Variants in WWOX observed in about 807,000 individuals in gnomAD.
WWOX encodes WW domain-containing oxidoreductase.
A neutral mutation model predicts 46.2 loss-of-function variants in WWOX; 69 were observed. The ratio of observed to expected loss-of-function variants is 1.49; its 90% confidence interval spans 1.23 to 1.82. The LOEUF (loss-of-function observed/expected upper bound fraction) is 1.82, where lower values mean the gene tolerates loss of function less well. Among genes scored for constraint, WWOX ranks in the 40% most tolerant of loss-of-function variants. The pLI is 0.00. For synonymous variants in WWOX, 359 were observed against 202.6 expected, an observed-to-expected ratio of 1.77 and a Z score of -6.56; for missense variants, 919 against 542.6, an observed-to-expected ratio of 1.69 and a Z score of -6.89.
intron 8 of WWOX, among the ~76,000 whole-genome samples, chr16:79,039,100 T>TA (rs1160651642): frequency 1.3e-5 from 2 of 151,964 alleles, no homozygotes; most frequent in African/African-American, 4.8e-5. Context: ...TTTCCTGCAT[T>TA]AAAAAAAATT....
At chr16:78,879,094 A>G (rs1281156622) in intron 8 of WWOX, among the ~76,000 whole-genome samples, 1 of 152,060 alleles carries the variant, frequency 6.6e-6, no homozygotes, top group African/African-American at 2.4e-5. Context: ...GGAATTTACT[A>G]GAAACAAATT....
intron 5 of WWOX, among the ~76,000 whole-genome samples, chr16:78,188,667 C>T (rs1314159392): frequency 6.6e-6 from 1 of 151,974 alleles, no homozygotes; most frequent in East Asian, 1.9e-4. Context: ...ACTTGATAGA[C>T]ACTAAACTCT....
intron 8 of WWOX, among the ~76,000 whole-genome samples, chr16:78,678,720 G>A (rs1125852): frequency 0.1 from 15,599 of 152,170 alleles, 983 homozygotes; most frequent in East Asian, 0.17. Flanking sequence ...AGATTTTGAC[G>A]GAGGGCTGGA....
chr16:78,713,618 T>G (rs111953202), intron 8 of WWOX, among the ~76,000 whole-genome samples: 55 of 152,098 alleles, frequency 3.6e-4, no homozygotes, highest in Non-Finnish European at 6.0e-4. Flanking sequence ...ACACCAGGAA[T>G]TCATATGCAT....
chr16:78,246,897 C>T lies in WWOX; in HGVS notation c.516+82608C>T, dbSNP rs186532813. 2.6e-5 allele frequency among the ~76,000 whole-genome samples: 4 copies of T among 152,046 alleles called. No individual in the cohort carries two copies. In the South Asian group the frequency reaches 6.3e-4, roughly 24 times the overall value. On this transcript the variant is annotated intron_variant, in intron 5 of 8. Transcript: ENST00000566780. ...CCGAGAGAGGAAATAAATCCTTGGACCCCAGAGTGATTTTCGGAGCCACAA... is the reference window on the plus strand; with the variant it reads ...CCGAGAGAGGAAATAAATCCTTGGATCCCAGAGTGATTTTCGGAGCCACAA...
chr16:78,617,650 C>G (rs1446534410), intron 8 of WWOX, among the ~76,000 whole-genome samples: 1 of 152,128 alleles, frequency 6.6e-6, no homozygotes, highest in Non-Finnish European at 1.5e-5. Context: ...AGTCCCCCTG[C>G]TCCTCAAGCT....
chr16:78,978,564 T>A (rs1484814275), intron 8 of WWOX, among the ~76,000 whole-genome samples: 2 of 152,102 alleles, frequency 1.3e-5, no homozygotes, highest in Non-Finnish European at 2.9e-5. Context: ...AAAAGAGGTT[T>A]AATTGGCTCA....
At chr16:78,874,691 T>TC (rs201278260) in intron 8 of WWOX, among the ~76,000 whole-genome samples, 11 of 143,252 alleles carry the variant, frequency 7.7e-5, no homozygotes, top group African/African-American at 2.9e-4. Context: ...TTTCTTTTTT[T>TC]TTTTTTTTTT....
intron 8 of WWOX, among the ~76,000 whole-genome samples, chr16:79,198,146 G>A (rs1460592396): frequency 2.7e-5 from 4 of 150,696 alleles, no homozygotes; most frequent in Non-Finnish European, 4.4e-5. Context: ...CCAACATGGT[G>A]AAACCCCGTC....
rs539295329 is a variant in WWOX, at chr16:78,728,223, C to T, written c.1056+295471C>T. Among the ~76,000 whole-genome samples the T allele has an allele frequency of 7.2e-5, 11 of 151,738 alleles. No homozygotes were observed. In the South Asian group the frequency reaches 1.9e-3, roughly 26 times the overall value. ...GTGACTACGGACACATGCCACTACA[C>T]CTAGTTGATTTTTGTATTTTTTGTA... On this transcript the variant is annotated intron_variant, in intron 8 of 8. Transcript: ENST00000566780.
chr16:78,882,829 A>T (rs1459782077), intron 8 of WWOX, among the ~76,000 whole-genome samples: 1 of 146,064 alleles, frequency 6.8e-6, no homozygotes, highest in Non-Finnish European at 1.5e-5. Context: ...CCACCATTTA[A>T]AAAAAAAAAA....
chr16:78,615,250 A>C (rs2045994675), intron 8 of WWOX, among the ~76,000 whole-genome samples: 1 of 152,140 alleles, frequency 6.6e-6, no homozygotes, highest in Non-Finnish European at 1.5e-5. Flanking sequence ...CGCTAATGGG[A>C]GATCCTAAGT....
Position 78,699,702 on chromosome 16 carries a change from G to C in WWOX, c.1056+266950G>C, listed in dbSNP as rs573137634. ...CCTCTTCTGCCCGCTGATATCTACA[G>C]CCTCTACCAGATGGTACCTCACTTA... On this transcript the variant is annotated intron_variant, in intron 8 of 8. Coordinates refer to ENST00000566780, the MANE Select transcript of WWOX (RefSeq NM_016373.4). Among the ~76,000 whole-genome samples, 16 of 152,310 alleles carry C rather than the reference G, an allele frequency of 1.1e-4. No individual in the cohort carries two copies. The South Asian group carries it at 2.7e-3, about 26-fold the overall frequency.
At chr16:78,403,138 T>C (rs944674377) in intron 6 of WWOX, among the ~76,000 whole-genome samples, 6 of 152,232 alleles carry the variant, frequency 3.9e-5, no homozygotes, top group African/African-American at 1.4e-4. Context: ...ATGTACAAAA[T>C]GCATGAGATG....
intron 8 of WWOX, among the ~76,000 whole-genome samples, chr16:78,533,392 T>C (rs546192155): frequency 2.7e-5 from 4 of 145,834 alleles, no homozygotes; most frequent in African/African-American, 1.0e-4. Context: ...CTGCACATAA[T>C]ATACAATTGT....
intron 6 of WWOX, among the ~76,000 whole-genome samples, chr16:78,416,945 C>T (rs1007660614): frequency 9.9e-5 from 15 of 151,908 alleles, no homozygotes; most frequent in African/African-American, 3.6e-4. Context: ...GGCTGAGCTA[C>T]AGTTTCTCTA....
intron 6 of WWOX, among the ~76,000 whole-genome samples, chr16:78,403,919 C>G (rs973394616): frequency 1.3e-5 from 2 of 152,148 alleles, no homozygotes; most frequent in Admixed American, 1.3e-4. Context: ...TGCATGAGCT[C>G]TGTGGACCAC....
In WWOX at chr16:78,793,156, G is replaced by A. The variant is rs147331152; in HGVS notation, c.1056+360404G>A. Among the ~76,000 whole-genome samples, 327 of 152,256 alleles carry A rather than the reference G, an allele frequency of 2.1e-3. 1 individual carries two copies. Among genetic ancestry groups the A allele is most frequent in the African/African-American group, 7.5e-3 (313 of 41,546 alleles). Reference sequence around the variant, plus strand: ...GATGCAATCTCAGGTCACTGCAACTGCTGTCTCATGGGATCAAGTGATCTT... The same window carrying A: ...GATGCAATCTCAGGTCACTGCAACTACTGTCTCATGGGATCAAGTGATCTT... On this transcript the variant is annotated intron_variant, in intron 8 of 8. Coordinates refer to ENST00000566780, the MANE Select transcript of WWOX (RefSeq NM_016373.4).
At chr16:78,750,663 G>T (rs550794205) in intron 8 of WWOX, among the ~76,000 whole-genome samples, 6 of 152,016 alleles carry the variant, frequency 3.9e-5, no homozygotes, top group African/African-American at 1.4e-4. Context: ...CCCTTTTGAA[G>T]TCCCCAGAGT....
Sources: allele counts gnomAD v4.1 joint callset (sites outside exome capture counted in the v4.1 genomes callset), GRCh38; gene constraint gnomAD v4.1.1; transcripts MANE v1.5; gene names NCBI Gene and HGNC (gene_info 2026-07-23, HGNC 2026-07-21).